Variants in ARID1B observed in about 807,000 individuals in gnomAD.
ARID1B encodes AT-rich interaction domain 1B.
ARID1B carries 30 observed loss-of-function variants against 212.3 expected under a neutral mutation model. The ratio of observed to expected loss-of-function variants is 0.14; its 90% CI spans 0.11 to 0.19. The LOEUF is 0.19. Among genes scored for constraint, ARID1B ranks in the 10% least tolerant of loss-of-function variants. The pLI is 1.00. For synonymous variants in ARID1B, 1,402 were observed against 1,301.7 expected (o/e 1.08, Z -1.66); for missense variants, 2,891 against 3,204.0 (o/e 0.90, Z 2.36).
intron 2 of ARID1B, among the ~76,000 whole-genome samples, chr6:156,853,714 G>A (rs751553088): frequency 5.3e-5 from 8 of 152,124 alleles, no homozygotes; most frequent in Admixed American, 2.0e-4. Context: ...GGGTCTCATA[G>A]TATTACCTGC....
intron 4 of ARID1B, chr6:156,977,001 G>T: frequency 3.9e-6 from 2 of 513,764 alleles, no homozygotes; most frequent in Admixed American, 4.0e-5. Flanking sequence ...GACAACCTCG[G>T]CTGGCATCAT....
upstream of ARID1B, chr6:156,777,216 G>GCCTTAGCCCCA (rs1778673979): frequency 6.6e-6 from 1 of 151,100 alleles, no homozygotes; most frequent in African/African-American, 2.4e-5. Context: ...CCCCGGCCCC[G>GCCTTAGCCCCA]GCCCCGGCCC....
intron 4 of ARID1B, among the ~76,000 whole-genome samples, chr6:157,040,411 G>A (rs1781809134): frequency 6.6e-6 from 1 of 152,222 alleles, no homozygotes; most frequent in Non-Finnish European, 1.5e-5. Context: ...TTCTGAGCCT[G>A]CTGGAGTGTG....
At chr6:156,988,864 G>A (rs1778099692) in intron 4 of ARID1B, among the ~76,000 whole-genome samples, 1 of 152,146 alleles carries the variant, frequency 6.6e-6, no homozygotes, top group Non-Finnish European at 1.5e-5. Flanking sequence ...CCTGGATTAG[G>A]GAATGGCAGC....
intron 1 of ARID1B, among the ~76,000 whole-genome samples, chr6:156,813,363 T>G (rs1222732302): frequency 2.6e-5 from 4 of 151,798 alleles, no homozygotes; most frequent in Non-Finnish European, 5.9e-5. Flanking sequence ...TCTGCCTGCC[T>G]TGGCCTCCCA....
chr6:156,989,160 G>A (rs768320484), intron 4 of ARID1B, among the ~76,000 whole-genome samples: 33 of 151,944 alleles, frequency 2.2e-4, no homozygotes, highest in African/African-American at 3.4e-4. Flanking sequence ...TATTTTATTC[G>A]TATTACTCCT....
At chr6:157,037,295 C>T (rs943517918) in intron 4 of ARID1B, among the ~76,000 whole-genome samples, 1 of 152,196 alleles carries the variant, frequency 6.6e-6, no homozygotes, top group African/African-American at 2.4e-5. Context: ...CGTCCAGTTA[C>T]AACCGGATTG....
intron 4 of ARID1B, among the ~76,000 whole-genome samples, chr6:157,005,222 T>G (rs1216626472): frequency 6.6e-6 from 1 of 152,012 alleles, no homozygotes; most frequent in Non-Finnish European, 1.5e-5. Flanking sequence ...GGTGGGATCT[T>G]GGCTCATTGC....
intron 1 of ARID1B, among the ~76,000 whole-genome samples, chr6:156,820,858 A>G (rs1562410658): frequency 6.6e-6 from 1 of 152,228 alleles, no homozygotes; most frequent in African/African-American, 2.4e-5. Context: ...AAGAGTAGTG[A>G]AGGAATGGGA....
At chr6:156,991,561 G>A (rs1778278313) in intron 4 of ARID1B, among the ~76,000 whole-genome samples, 2 of 152,124 alleles carry the variant, frequency 1.3e-5, no homozygotes, top group African/African-American at 4.8e-5. Flanking sequence ...GATTGTCTAT[G>A]TTATTGTACC....
chr6:156,831,117 G>T (rs1346197180), intron 2 of ARID1B, among the ~76,000 whole-genome samples: 1 of 152,184 alleles, frequency 6.6e-6, no homozygotes, highest in African/African-American at 2.4e-5. Flanking sequence ...ATTTGTAAAT[G>T]ATGAAAAGTA....
In ARID1B at chr6:156,778,057, C is replaced by T. The variant is rs2114960706; in HGVS notation, c.377C>T (p.Ala126Val). ...TCCTCCTCCTCCTCCTCCTCCGCGG[C>T]GGCAGCGGCGGCATCCTCTTCCTCC... is the stretch of plus-strand genomic sequence containing the variant. Reference protein sequence around the residue: ...ALSSSSSSSAAAAAASSSSSS... With the variant: ...ALSSSSSSSAVAAAASSSSSS... The change falls in exon 1 of 20, where the codon GCG becomes GTG. Residue 126 changes from alanine to valine, a missense_variant. Coordinates refer to ENST00000636930, the MANE Select transcript of ARID1B (RefSeq NM_001374828.1). 1 of 1,534,532 alleles carries T rather than the reference C, an allele frequency of 6.5e-7. No individual in the cohort carries two copies. The highest frequency in any genetic ancestry group is 1.4e-5 in the African/African-American group (1 of 70,524).
At chr6:156,912,104 G>A (rs1423476117) in intron 3 of ARID1B, among the ~76,000 whole-genome samples, 1 of 151,960 alleles carries the variant, frequency 6.6e-6, no homozygotes, top group Non-Finnish European at 1.5e-5. Context: ...ATTCTTAAAT[G>A]TTGTGTAAAG....
rs145123304 is a variant in ARID1B, at chr6:157,123,238, GCC to G, written c.2582-9781_2582-9780del. ...TTTCTTTCTCTCCCCCCCGCCCCCC[GCC>G]CCCCCCCCACACACACACAAGCAAA... On this transcript the variant is annotated intron_variant, in intron 6 of 19. Transcript: ENST00000636930. Among the ~76,000 whole-genome samples, 218 of 83,590 alleles carry G rather than the reference GCC, an allele frequency of 2.6e-3. 2 individuals are homozygous for G. The highest frequency in any genetic ancestry group is 0.012 in the Middle Eastern group (2 of 172). 54.8% of individuals were successfully genotyped at this position (83,590 alleles called of 152,430 possible). A position where few individuals can be genotyped will look rare whatever the true frequency, so the allele number is the denominator to read the frequency against.
chr6:157,171,375 A>G (rs1382388228), intron 9 of ARID1B, among the ~76,000 whole-genome samples: 1 of 152,238 alleles, frequency 6.6e-6, no homozygotes, highest in African/African-American at 2.4e-5. Flanking sequence ...CAGTGCCTTG[A>G]TTTAACACGT....
intron 4 of ARID1B, among the ~76,000 whole-genome samples, chr6:156,995,011 T>C (rs1014839001): frequency 6.6e-6 from 1 of 152,226 alleles, no homozygotes; most frequent in African/African-American, 2.4e-5. Flanking sequence ...CTGAGCAGAC[T>C]GACTTTGCAG....
chr6:156,891,943 C>T (rs1365917610), intron 2 of ARID1B, among the ~76,000 whole-genome samples: 1 of 150,432 alleles, frequency 6.6e-6, no homozygotes, highest in Non-Finnish European at 1.5e-5. Flanking sequence ...GCAATTTCGG[C>T]TCACTGCAGT....
chr6:156,835,822 G>T (rs1356950229), intron 2 of ARID1B, among the ~76,000 whole-genome samples: 3 of 152,034 alleles, frequency 2.0e-5, no homozygotes, highest in Non-Finnish European at 4.4e-5. Flanking sequence ...GCTCACTGCG[G>T]CCTTGACCTC....
chr6:156,908,037 A>C (rs1789551150), intron 3 of ARID1B, among the ~76,000 whole-genome samples: 1 of 151,364 alleles, frequency 6.6e-6, no homozygotes, highest in African/African-American at 2.4e-5. Flanking sequence ...ATAGCTCTTT[A>C]TCTTTACCTT....
Sources: allele counts gnomAD v4.1 joint callset (sites outside exome capture counted in the v4.1 genomes callset), GRCh38; gene constraint gnomAD v4.1.1; transcripts MANE v1.5; gene names NCBI Gene and HGNC (gene_info 2026-07-23, HGNC 2026-07-21).